The following SMCP variants were observed in gnomAD, a reference collection of about 807,000 sequenced individuals.
SMCP encodes the protein sperm mitochondrial-associated cysteine-rich protein.
For synonymous variants in SMCP, 41 were observed against 46.9 expected (o/e 0.87, Z 0.51); for missense variants, 137 against 137.1 (o/e 1.00, Z 0.01).
chr1:152,879,699 G>T (rs1648976311), intron 1 of SMCP, among the ~76,000 whole-genome samples: 2 of 152,194 alleles, frequency 1.3e-5, no homozygotes, highest in African/African-American at 4.8e-5. Context: ...TGGGGGTGAG[G>T]TTGCAGAAGG....
Position 152,884,562 on chromosome 1 carries a change from G to T in SMCP, c.140G>T (p.Gly47Val), listed in dbSNP as rs1338775293. 2 of 1,613,920 alleles carry T rather than the reference G, an allele frequency of 1.2e-6. No homozygotes were observed. The change falls in exon 2 of 2, where the codon GGC (glycine) becomes GTC (valine). Residue 47 changes from glycine (G) to valine (V), a missense_variant. Gly to Val is a moderately radical substitution (Grantham distance 109, BLOSUM62 -3). Transcript: ENST00000368765. The part of the protein sequence containing the change: ...PKQNQCCQPK[G>V]SQCCPPKHNH... Reference sequence around the variant, plus strand: ...CAGAACCAGTGCTGCCAGCCAAAAGGCAGTCAATGCTGCCCACCAAAACAC... The same window carrying T: ...CAGAACCAGTGCTGCCAGCCAAAAGTCAGTCAATGCTGCCCACCAAAACAC...
chr1:152,882,223 G>A (rs908105104), intron 1 of SMCP, among the ~76,000 whole-genome samples: 1 of 152,034 alleles, frequency 6.6e-6, no homozygotes, highest in Admixed American at 6.6e-5. Flanking sequence ...CACCTGCCTC[G>A]ACCTCCCAAA....
chr1:152,880,569 T>C (rs1221392369), intron 1 of SMCP, among the ~76,000 whole-genome samples: 1 of 152,186 alleles, frequency 6.6e-6, no homozygotes, highest in East Asian at 1.9e-4. Flanking sequence ...AGGGCCTGTA[T>C]CTGCCACCTC....
intron 1 of SMCP, among the ~76,000 whole-genome samples, chr1:152,879,636 A>G (rs1403263745): frequency 1.3e-5 from 2 of 152,238 alleles, no homozygotes; most frequent in African/African-American, 2.4e-5. Context: ...TTCACCAGGC[A>G]GAAGGAAGAC....
chr1:152,884,732 C>T lies in SMCP; in HGVS notation c.310C>T (p.Gln104Ter). ...GGACAAGGGCTGTCAAACCCAGCAG[C>T]AGCCCCATAGCCCACAAAATGAGTC... is the stretch of plus-strand genomic sequence containing the variant. ...TQDKGCQTQQ[Q>*]PHSPQNESRP... Residue 104 changes from glutamine to a stop codon, truncating the protein, a stop_gained, in exon 2 of 2, where the codon CAG becomes TAG. Transcript: ENST00000368765. LOFTEE classifies it low-confidence loss of function (END_TRUNC). The T allele has an allele frequency of 1.2e-6, 2 of 1,614,198 alleles. No individual in the cohort carries two copies. The highest frequency in any genetic ancestry group is 1.7e-6 in the Non-Finnish European group (2 of 1,180,036).
chr1:152,879,263 C>G (rs982171000), intron 1 of SMCP, among the ~76,000 whole-genome samples: 1 of 152,208 alleles, frequency 6.6e-6, no homozygotes, highest in Non-Finnish European at 1.5e-5. Context: ...CTCTGTCACC[C>G]AGGCTGGAGT....
chr1:152,883,673 G>A (rs1457728388), intron 1 of SMCP, among the ~76,000 whole-genome samples: 1 of 152,188 alleles, frequency 6.6e-6, no homozygotes, highest in Admixed American at 6.5e-5. Context: ...TAGAGGAAGA[G>A]GTACAAGCCC....
chr1:152,882,238 T>A (rs1649076224), intron 1 of SMCP, among the ~76,000 whole-genome samples: 1 of 152,192 alleles, frequency 6.6e-6, no homozygotes, highest in African/African-American at 2.4e-5. Flanking sequence ...CCCAAAGTGC[T>A]GGGATTACAG....
intron 1 of SMCP, among the ~76,000 whole-genome samples, chr1:152,881,202 T>C (rs1009456683): frequency 5.3e-5 from 8 of 152,148 alleles, no homozygotes; most frequent in Non-Finnish European, 1.2e-4. Flanking sequence ...TAAGAGCATG[T>C]CACCCATCAT....
Position 152,884,519 on chromosome 1 carries a change from C to G in SMCP, c.97C>G (p.Gln33Glu), listed in dbSNP as rs61744935. Residue 33 changes from glutamine to glutamate, a missense_variant, in exon 2 of 2, where the codon CAA becomes GAA. Gln to Glu is a conservative substitution (Grantham distance 29, BLOSUM62 2). Coordinates refer to ENST00000368765, the MANE Select transcript of SMCP (RefSeq NM_030663.3). ...QNQCCQSKGN[Q>E]CCPPKQNQCC... Reference sequence around the variant, plus strand: ...CCAGTGCTGCCAGTCAAAAGGCAATCAATGCTGCCCACCAAAACAGAACCA... The same window carrying G: ...CCAGTGCTGCCAGTCAAAAGGCAATGAATGCTGCCCACCAAAACAGAACCA... The G allele has an allele frequency of 0.011, 17,882 of 1,613,974 alleles. 1,341 individuals are homozygous for G. In the African/African-American group the frequency reaches 0.18, roughly 16 times the overall value.
At chr1:152,884,279 T>C in intron 1 of SMCP, 124 bp from the exon 2 acceptor site, 1 of 854,682 alleles carries the variant, frequency 1.2e-6, no homozygotes, top group Non-Finnish European at 1.8e-6. Context: ...GATCCAGCTC[T>C]GCTTTCTCAA....
chr1:152,883,104 C>T (rs1649106864), intron 1 of SMCP, among the ~76,000 whole-genome samples: 1 of 152,156 alleles, frequency 6.6e-6, no homozygotes, highest in Non-Finnish European at 1.5e-5. Context: ...TTCTCACAAT[C>T]CCAAGGATGC....
Position 152,884,929 on chromosome 1 carries a change from C to T in SMCP, c.*156C>T, listed in dbSNP as rs1168633270. On this transcript the variant is annotated 3_prime_UTR_variant, in exon 2 of 2. Coordinates refer to ENST00000368765, the MANE Select transcript of SMCP (RefSeq NM_030663.3). ...CCAATGAGAGGCTCCTATTTCCCAT[C>T]ATAGCTCCCTACCCTAGGGAGGCCT... is the stretch of plus-strand genomic sequence containing the variant. The T allele has an allele frequency of 7.4e-6, 5 of 673,236 alleles. No homozygotes were observed. Among genetic ancestry groups the T allele is most frequent in the Non-Finnish European group, 1.3e-5 (5 of 391,030 alleles). 41.7% of individuals were successfully genotyped at this position (673,236 alleles called of 1,614,324 possible).
Position 152,883,443 on chromosome 1 carries a change from C to T in SMCP, c.-20-960C>T, listed in dbSNP as rs75106243. Among the ~76,000 whole-genome samples the T allele has an allele frequency of 2.6e-5, 4 of 152,344 alleles. No homozygotes were observed. The East Asian group carries it at 7.7e-4, about 29-fold the overall frequency. ...CCAGGGCGGAAACCATTAGGGGCTT[C>T]TCCAGGGGCTGCATACCTGGGCTGA... On this transcript the variant is annotated intron_variant, in intron 1 of 1. Transcript: ENST00000368765.
chr1:152,882,440 G>A (rs1281441078), intron 1 of SMCP, among the ~76,000 whole-genome samples: 4 of 152,172 alleles, frequency 2.6e-5, no homozygotes, highest in African/African-American at 4.8e-5. Flanking sequence ...AGCAGGTCAG[G>A]ATAGGATAGA....
chr1:152,883,031 C>T (rs1036170020), intron 1 of SMCP, among the ~76,000 whole-genome samples: 10 of 152,106 alleles, frequency 6.6e-5, no homozygotes, highest in Non-Finnish European at 1.2e-4. Flanking sequence ...GTGACAAGAG[C>T]GAAGCTCCAT....
chr1:152,881,789 C>T (rs931322233), intron 1 of SMCP, among the ~76,000 whole-genome samples: 32 of 151,772 alleles, frequency 2.1e-4, no homozygotes, highest in African/African-American at 7.8e-4. Flanking sequence ...CTGAGAAGGC[C>T]TCAGGAAACA....
At chr1:152,884,310 C>T in intron 1 of SMCP, 93 bp from the exon 2 acceptor site, 1 of 1,107,124 alleles carries the variant, frequency 9.0e-7, no homozygotes, top group Non-Finnish European at 1.3e-6. Flanking sequence ...AGTCATTATC[C>T]TGAAGATGGA....
At chr1:152,881,130 G>C (rs150195631) in intron 1 of SMCP, among the ~76,000 whole-genome samples, 1,599 of 152,054 alleles carry the variant, frequency 0.011, 10 homozygotes, top group Non-Finnish European at 0.015. Flanking sequence ...GGCTCAATGG[G>C]ACCCAGTTTG....
Sources: gnomAD v4.1 joint callset for allele counts (sites outside exome capture counted in the v4.1 genomes callset) on GRCh38, gnomAD v4.1.1 for gene constraint, MANE v1.5 for transcripts, NCBI Gene and HGNC (gene_info 2026-07-23, HGNC 2026-07-21) for gene names.